STOX2: variants seen among roughly 807,000 people sequenced by gnomAD.
The protein encoded by STOX2 is storkhead box 2, also known as storkhead-box protein 2.
Under a neutral mutation model 60.9 loss-of-function variants are expected in STOX2, and 28 were observed. That is an observed-to-expected ratio of 0.46 (90% CI 0.34 to 0.63). STOX2 has a LOEUF of 0.63. STOX2 is among the 30% of genes least tolerant of loss of function. The probability of loss-of-function intolerance (pLI) is 0.01; values close to 1 mark genes in which losing one functional copy is unlikely to be tolerated. For missense variants in STOX2, 1,024 were observed against 1,187.7 expected (o/e 0.86, Z 2.03); for synonymous variants, 472 against 463.9 (o/e 1.02, Z -0.22).
At chr4:184,014,110 C>CA (rs10527539) in intron 3 of STOX2, 86 of 138,608 alleles carry the variant, frequency 6.2e-4, no homozygotes, top group African/African-American at 2.2e-3. Context: ...AAGCCCCAAC[C>CA]AAAAAAAAAA....
rs1471804284 is a variant in STOX2, at chr4:183,906,866, A to T, written c.76A>T (p.Met26Leu). 7.7e-6 allele frequency: 12 copies of T among 1,551,936 alleles called. No homozygotes were observed. The highest frequency in any genetic ancestry group is 9.6e-6 in the Non-Finnish European group (11 of 1,147,334). Residue 26 changes from methionine (M) to leucine (L), a missense_variant, in exon 1 of 4, where the codon ATG (methionine) becomes TTG (leucine). Physicochemically the swap from Met to Leu is conservative, Grantham distance 15. Transcript: ENST00000308497. ...TTTCTCGGACCGGGCCTCGGACCGC[A>T]TGAGGTCCCGCAGCGAGAAGGACTA... ...SDFSDRASDR[M>L]RSRSEKDYRL... is the part of the protein sequence containing the mutation.
At chr4:183,986,315 G>T (rs1206125728) in intron 1 of STOX2, among the ~76,000 whole-genome samples, 3 of 152,226 alleles carry the variant, frequency 2.0e-5, no homozygotes, top group Non-Finnish European at 4.4e-5. Context: ...ATCAGTAGCA[G>T]TTGGTGTGGA....
In STOX2 at chr4:183,852,547, G is replaced by GA. The variant is rs1374882250; in HGVS notation, c.364+54492_364+54493insA. Among the ~76,000 whole-genome samples, 13 of 150,434 alleles carry GA rather than the reference G, an allele frequency of 8.6e-5. 6 individuals carry two copies. Among genetic ancestry groups the GA allele is most frequent in the Admixed American group, 4.0e-4 (6 of 15,102 alleles). On this transcript the variant is annotated intron_variant, in intron 1 of 2. Coordinates refer to the STOX2 transcript ENST00000513034. ...AGGGAAAGGATGAGGGAAAGGATGA[G>GA]GGAAAGGATGAGAGAAAGGATGAGG... is the stretch of plus-strand genomic sequence containing the variant.
intron 1 of STOX2, among the ~76,000 whole-genome samples, chr4:183,829,279 C>T (rs940842914): frequency 2.6e-5 from 4 of 152,156 alleles, no homozygotes; most frequent in African/African-American, 9.7e-5. Context: ...AAATTAAAAA[C>T]ATTCATCTCT....
chr4:183,880,264 A>T (rs986508548), intron 1 of STOX2, among the ~76,000 whole-genome samples: 2 of 152,152 alleles, frequency 1.3e-5, no homozygotes, highest in Non-Finnish European at 2.9e-5. Context: ...GATTACAGGC[A>T]TGAGCCACCG....
upstream of STOX2, among the ~76,000 whole-genome samples, chr4:183,904,123 C>T (rs576536412): frequency 2.8e-4 from 42 of 152,324 alleles, 1 homozygote; most frequent in African/African-American, 9.9e-4. Context: ...AGGGTTCGTG[C>T]TCCTGTGAGA....
intron 1 of STOX2, among the ~76,000 whole-genome samples, chr4:183,854,954 T>C (rs538106965): frequency 2.6e-5 from 4 of 152,326 alleles, no homozygotes; most frequent in African/African-American, 9.6e-5. Context: ...TAGACTAGTG[T>C]CCCGAATATG....
intron 1 of STOX2, among the ~76,000 whole-genome samples, chr4:183,952,680 G>A (rs1009827738): frequency 5.3e-5 from 8 of 152,124 alleles, no homozygotes; most frequent in African/African-American, 1.9e-4. Context: ...GTGATACTTG[G>A]GCCTCTTGAG....
At chr4:183,961,656 C>T (rs992698987) in intron 1 of STOX2, among the ~76,000 whole-genome samples, 1 of 152,200 alleles carries the variant, frequency 6.6e-6, no homozygotes, top group Non-Finnish European at 1.5e-5. Context: ...GACGTCTGGG[C>T]TTTTAGTGTG....
At chr4:184,015,063 T>C (rs1449122421) in intron 3 of STOX2, 1 of 152,202 alleles carries the variant, frequency 6.6e-6, no homozygotes. Context: ...ATAATCCACA[T>C]TTTCTACCTT....
chr4:183,950,385 A>G (rs1743032184), intron 1 of STOX2, among the ~76,000 whole-genome samples: 1 of 152,228 alleles, frequency 6.6e-6, no homozygotes, highest in African/African-American at 2.4e-5. Flanking sequence ...CATGAAGGAA[A>G]TAAAACAGGC....
intron 1 of STOX2, among the ~76,000 whole-genome samples, chr4:183,811,142 G>C (rs1369575955): frequency 6.6e-6 from 1 of 152,220 alleles, no homozygotes; most frequent in East Asian, 1.9e-4. Context: ...TGGCCAAGCA[G>C]AGAATCTTTG....
At chr4:183,932,283 A>G (rs1397829191) in intron 1 of STOX2, among the ~76,000 whole-genome samples, 3 of 150,352 alleles carry the variant, frequency 2.0e-5, no homozygotes, top group Non-Finnish European at 4.4e-5. Flanking sequence ...ATATATTGAT[A>G]CAATATATTA....
chr4:183,971,780 G>T (rs1044504580), intron 1 of STOX2, among the ~76,000 whole-genome samples: 1 of 152,228 alleles, frequency 6.6e-6, no homozygotes, highest in Non-Finnish European at 1.5e-5. Flanking sequence ...GAACATATTT[G>T]CTTCTCCTGC....
In STOX2 at chr4:183,922,593, C is replaced by T. The variant is rs373590088; in HGVS notation, c.166+15637C>T. On this transcript the variant is annotated intron_variant, in intron 1 of 3. Coordinates refer to ENST00000308497, the MANE Select transcript of STOX2 (RefSeq NM_020225.3). ...ACTCCTGACCTTGTGATCCACCCAC[C>T]TCGGCCTCCCAAAGTGCTGGGATTA... is the stretch of plus-strand genomic sequence containing the variant. Among the ~76,000 whole-genome samples, 77 of 152,208 alleles carry T rather than the reference C, an allele frequency of 5.1e-4. 1 individual carries two copies. In the South Asian group the frequency reaches 0.013, roughly 26 times the overall value.
chr4:183,932,336 A>AT lies in STOX2; in HGVS notation c.166+25380_166+25381insT, dbSNP rs1158163744. 4.9e-3 allele frequency among the ~76,000 whole-genome samples: 40 copies of AT among 8,174 alleles called. 4 individuals carry two copies. The highest frequency in any genetic ancestry group is 0.011 in the Admixed American group (5 of 460). 5.4% of individuals were successfully genotyped at this position (8,174 alleles called of 152,430 possible). Reference sequence around the variant, plus strand: ...ATACAGTATATGTATGTATACATACAGTATATGTATGTATACATACAGTAT... The same window carrying AT: ...ATACAGTATATGTATGTATACATACATGTATATGTATGTATACATACAGTAT... On this transcript the variant is annotated intron_variant, in intron 1 of 3. Coordinates refer to ENST00000308497, the MANE Select transcript of STOX2 (RefSeq NM_020225.3).
intron 1 of STOX2, among the ~76,000 whole-genome samples, chr4:183,894,158 T>TA (rs997920997): frequency 5.9e-5 from 9 of 151,892 alleles, no homozygotes; most frequent in East Asian, 3.9e-4. Flanking sequence ...CTCCAAAAAA[T>TA]AAAAAAAATT....
intron 1 of STOX2, among the ~76,000 whole-genome samples, chr4:183,987,074 G>A (rs1019283988): frequency 1.3e-5 from 2 of 152,100 alleles, no homozygotes; most frequent in African/African-American, 4.8e-5. Context: ...ATAATTTTTC[G>A]GTTATCCGGA....
intron 1 of STOX2, among the ~76,000 whole-genome samples, chr4:183,849,659 A>G (rs1740068678): frequency 6.6e-6 from 1 of 152,208 alleles, no homozygotes; most frequent in East Asian, 1.9e-4. Flanking sequence ...TGAGATTGGG[A>G]TGTGGGAGAT....
Sources: allele counts gnomAD v4.1 joint callset (sites outside exome capture counted in the v4.1 genomes callset), GRCh38; gene constraint gnomAD v4.1.1; transcripts MANE v1.5; gene names NCBI Gene and HGNC (gene_info 2026-07-23, HGNC 2026-07-21).